Variants in ERC1 observed in about 807,000 individuals in gnomAD.
ERC1 encodes the protein ELKS/RAB6-interacting/CAST family member 1, also known as RAB6 interacting protein 2.
In ERC1, 56 loss-of-function variants were observed where a neutral mutation model predicts 132.0. That is an observed-to-expected ratio of 0.42 (90% CI 0.34 to 0.53). ERC1 has a LOEUF of 0.53. Ranked by LOEUF, ERC1 falls within the 20% of genes least tolerant of loss-of-function variation. The pLI, the probability that ERC1 is intolerant of heterozygous loss-of-function variation, is 0.03. For missense variants in ERC1, 1,202 were observed against 1,349.9 expected (o/e 0.89, Z 1.72); for synonymous variants, 478 against 476.1 (o/e 1.00, Z -0.05).
chr12:1,014,021 A>ATT (rs55805313), intron 1 of ERC1, among the ~76,000 whole-genome samples: 38 of 147,542 alleles, frequency 2.6e-4, no homozygotes, highest in South Asian at 1.5e-3. Flanking sequence ...GTGCCTGGTG[A>ATT]TTTTTTTTTT....
chr12:1,237,391 A>G (rs1368951112), intron 13 of ERC1, among the ~76,000 whole-genome samples: 2 of 152,106 alleles, frequency 1.3e-5, no homozygotes, highest in Non-Finnish European at 2.9e-5. Flanking sequence ...GTCATACAGA[A>G]TGTGACATAT....
At chr12:1,259,011 A>G (rs1456086398) in intron 13 of ERC1, among the ~76,000 whole-genome samples, 1 of 152,234 alleles carries the variant, frequency 6.6e-6, no homozygotes, top group Non-Finnish European at 1.5e-5. Flanking sequence ...AACTATTTCC[A>G]GAAGGTCTTT....
chr12:994,095 A>AAAAAG (rs1960275615), intron 1 of ERC1, among the ~76,000 whole-genome samples: 5 of 138,412 alleles, frequency 3.6e-5, no homozygotes, highest in African/African-American at 5.1e-5. Flanking sequence ...AAAAAAAAAA[A>AAAAAG]GTGAAGGTTT....
intron 15 of ERC1, among the ~76,000 whole-genome samples, chr12:1,313,774 C>T (rs917539742): frequency 2.6e-5 from 4 of 151,870 alleles, no homozygotes; most frequent in African/African-American, 4.8e-5. Context: ...CCCCTGAGGT[C>T]GGGAGTTCGA....
chr12:1,356,247 T>TGTGTGTGTGTGTG (rs1566666305), intron 15 of ERC1, among the ~76,000 whole-genome samples: 5 of 148,786 alleles, frequency 3.4e-5, no homozygotes, highest in Admixed American at 6.7e-5. Context: ...TGTGTGTGTG[T>TGTGTGTGTGTGTG]TTATATATTT....
chr12:1,054,012 A>T (rs1470052342), intron 2 of ERC1, among the ~76,000 whole-genome samples: 1 of 151,456 alleles, frequency 6.6e-6, no homozygotes, highest in Non-Finnish European at 1.5e-5. Context: ...TAGGACCAGT[A>T]TATCAAAAAA....
chr12:1,469,764 T>C lies in ERC1; in HGVS notation c.3214-20329T>C, dbSNP rs573338219. Among the ~76,000 whole-genome samples, 13 of 152,340 alleles carry C rather than the reference T, an allele frequency of 8.5e-5. No homozygotes were observed. In the South Asian group the frequency reaches 2.7e-3, roughly 32 times the overall value. On this transcript the variant is annotated intron_variant, in intron 18 of 18. Transcript: ENST00000360905. ...AGGGGGCTGTGGGAATATTTTTCTTTCAACCCCAACCTTCCCCAAGAGCTT... is the reference window on the plus strand; with the variant it reads ...AGGGGGCTGTGGGAATATTTTTCTTCCAACCCCAACCTTCCCCAAGAGCTT...
At chr12:1,059,476 A>G (rs1973613556) in intron 2 of ERC1, among the ~76,000 whole-genome samples, 1 of 152,120 alleles carries the variant, frequency 6.6e-6, no homozygotes, top group South Asian at 2.1e-4. Flanking sequence ...TCACTTTGTC[A>G]TATGTGGCCT....
At chr12:1,042,119 G>A (rs1174813750) in intron 2 of ERC1, among the ~76,000 whole-genome samples, 1 of 151,932 alleles carries the variant, frequency 6.6e-6, no homozygotes, top group East Asian at 1.9e-4. Flanking sequence ...CTCATTGCAC[G>A]CTCCGCTTCC....
At chr12:1,216,602 C>CGGGGAGGAGGGATGGGGGGT (rs1958434565) in intron 12 of ERC1, among the ~76,000 whole-genome samples, 1 of 8,942 alleles carries the variant, frequency 1.1e-4, no homozygotes, top group African/African-American at 3.0e-4. Flanking sequence ...TTGGTGGGGT[C>CGGGGAGGAGGGATGGGGGGT]GGGGAGGAGG....
intron 15 of ERC1, among the ~76,000 whole-genome samples, chr12:1,290,383 AAC>A (rs1388697666): frequency 2.0e-5 from 3 of 152,186 alleles, no homozygotes; most frequent in African/African-American, 7.2e-5. Context: ...TTTTATTGTA[AAC>A]ATTTCCAAAG....
At chr12:1,225,217 A>AG (rs1291792161) in intron 12 of ERC1, among the ~76,000 whole-genome samples, 3 of 151,788 alleles carry the variant, frequency 2.0e-5, no homozygotes, top group Non-Finnish European at 4.4e-5. Context: ...TCAGCAACTC[A>AG]GGAGTCTGAG....
At chr12:1,013,630 C>T (rs571624943) in intron 1 of ERC1, among the ~76,000 whole-genome samples, 76 of 152,200 alleles carry the variant, frequency 5.0e-4, no homozygotes, top group African/African-American at 1.8e-3. Flanking sequence ...CAACTAGATG[C>T]GTAGTGTTAG....
intron 14 of ERC1, among the ~76,000 whole-genome samples, chr12:1,268,923 A>T (rs1366435481): frequency 1.3e-5 from 2 of 152,184 alleles, no homozygotes; most frequent in Non-Finnish European, 2.9e-5. Context: ...CTATGTAAAG[A>T]AGAGAAAAAG....
intron 1 of ERC1, among the ~76,000 whole-genome samples, chr12:1,011,315 C>T (rs1291770112): frequency 6.6e-6 from 1 of 152,184 alleles, no homozygotes; most frequent in Non-Finnish European, 1.5e-5. Flanking sequence ...AGCTATCCTC[C>T]TACCTCAGCT....
intron 4 of ERC1, among the ~76,000 whole-genome samples, 159 bp from the exon 5 acceptor site, chr12:1,110,031 ACT>A (rs907059844): frequency 6.6e-6 from 1 of 152,062 alleles, no homozygotes; most frequent in Non-Finnish European, 1.5e-5. Flanking sequence ...TGGGCGACAG[ACT>A]CTGTCTCAAA....
At chr12:1,351,528 T>C (rs1042308865) in intron 15 of ERC1, among the ~76,000 whole-genome samples, 5 of 152,198 alleles carry the variant, frequency 3.3e-5, no homozygotes, top group Non-Finnish European at 7.3e-5. Context: ...ATCTCATTGT[T>C]CTCATATGCA....
At chr12:1,341,062 T>C (rs1425960247) in intron 15 of ERC1, among the ~76,000 whole-genome samples, 4 of 100,914 alleles carry the variant, frequency 4.0e-5, no homozygotes, top group African/African-American at 1.4e-4. Context: ...CTTATTCTTT[T>C]CTTTTTCTTT....
At chr12:1,062,229 C>T (rs965845081) in intron 2 of ERC1, among the ~76,000 whole-genome samples, 10 of 152,098 alleles carry the variant, frequency 6.6e-5, no homozygotes, top group South Asian at 4.2e-4. Flanking sequence ...GTGATCTGCC[C>T]GCCTCGGCCC....
Sources: gnomAD v4.1 joint callset for allele counts (sites outside exome capture counted in the v4.1 genomes callset) on GRCh38, gnomAD v4.1.1 for gene constraint, MANE v1.5 for transcripts, NCBI Gene and HGNC (gene_info 2026-07-23, HGNC 2026-07-21) for gene names.